RABL6: variants seen among roughly 807,000 people sequenced by gnomAD.
RABL6 encodes rab-like protein 6.
RABL6 carries 28 observed loss-of-function variants against 72.9 expected under a neutral mutation model. The ratio of observed to expected loss-of-function variants is 0.38; its 90% CI spans 0.28 to 0.53. The LOEUF (loss-of-function observed/expected upper bound fraction) is 0.53, where lower values mean the gene tolerates loss of function less well. Among genes scored for constraint, RABL6 ranks in the 20% least tolerant of loss-of-function variants. RABL6 has a pLI of 0.80. For missense variants in RABL6, 1,029 were observed against 1,008.4 expected, an observed-to-expected ratio of 1.02 and a Z score of -0.28; for synonymous variants, 477 against 421.2, an observed-to-expected ratio of 1.13 and a Z score of -1.62.
At chr9:136,825,754 A>T (rs771030563) in intron 2 of RABL6, 25 bp from the exon 3 acceptor site, 8 of 1,611,404 alleles carry the variant, frequency 5.0e-6, no homozygotes, top group Non-Finnish European at 6.8e-6. Flanking sequence ...GTTGGGCACT[A>T]ATTTTAGGAT....
chr9:136,839,184 C>G (rs1468377715), intron 11 of RABL6, 38 bp from the exon 12 acceptor site: 39 of 1,598,252 alleles, frequency 2.4e-5, no homozygotes, highest in Non-Finnish European at 3.2e-5. Context: ...CAGGACGCCT[C>G]CAGAGGACCC....
Position 136,838,993 on chromosome 9 carries a change from C to T in RABL6, c.1365C>T (p.Pro455=), listed in dbSNP as rs781010467. The change falls in exon 11 of 15, where the codon CCC becomes CCT. Residue 455 remains proline (P), a synonymous_variant. Transcript: ENST00000311502. ...TCGAAGACCAGCCACGTGGGAGTCC[C>T]CCGCTGCCTGCAGGCCCCGTCCCCA... ...VDLEDQPRGS[P]PLPAGPVPSQ... 9 of 1,611,938 alleles carry T rather than the reference C, an allele frequency of 5.6e-6. No homozygotes were observed. The highest frequency in any genetic ancestry group is 7.6e-6 in the Non-Finnish European group (9 of 1,179,620).
At chr9:136,824,326 G>GTTTTTTTTTTT (rs34760204) in intron 2 of RABL6, among the ~76,000 whole-genome samples, 1 of 75,054 alleles carries the variant, frequency 1.3e-5, no homozygotes, top group Non-Finnish European at 2.5e-5. Flanking sequence ...GTTTGGTTGG[G>GTTTTTTTTTTT]TTTTTTTTTT....
chr9:136,825,917 C>A, intron 3 of RABL6, 91 bp downstream of exon 3: 2 of 1,434,716 alleles, frequency 1.4e-6, no homozygotes, highest in South Asian at 2.3e-5. Context: ...GCCCATGCAT[C>A]ACCCACCATC....
At chr9:136,824,037 A>G (rs1042668224) in intron 2 of RABL6, among the ~76,000 whole-genome samples, 4 of 152,198 alleles carry the variant, frequency 2.6e-5, no homozygotes, top group African/African-American at 9.7e-5. Flanking sequence ...CCACCACCAG[A>G]AACAGTAATA....
intron 1 of RABL6, 191 bp downstream of exon 1, chr9:136,808,517 C>T (rs911047144): frequency 6.7e-6 from 3 of 449,890 alleles, no homozygotes; most frequent in Non-Finnish European, 3.4e-6. Context: ...GGGCCGGGTC[C>T]TCGCGGCCCC....
chr9:136,819,811 C>T (rs995315093), intron 1 of RABL6, among the ~76,000 whole-genome samples: 1 of 152,136 alleles, frequency 6.6e-6, no homozygotes, highest in African/African-American at 2.4e-5. Flanking sequence ...ACCTGTAATC[C>T]CAGCACTTTG....
chr9:136,839,285 CT>C lies in RABL6; in HGVS notation c.1558del (p.Trp520GlyfsTer79). The C allele has an allele frequency of 6.2e-7, 1 of 1,610,710 alleles. No homozygotes were observed. Among genetic ancestry groups the C allele is most frequent in the Non-Finnish European group, 8.5e-7 (1 of 1,179,068 alleles). On this transcript the variant is annotated frameshift_variant, in exon 12 of 15. Coordinates refer to ENST00000311502, the MANE Select transcript of RABL6 (RefSeq NM_024718.5). LOFTEE classifies it high-confidence loss of function. ...CTCCCACGAGGACCGCAGCACCCCCCTGGCCAGGCGGTGTCTCTGTTCGCAC... is the reference window on the plus strand; with the variant it reads ...CTCCCACGAGGACCGCAGCACCCCCCGGCCAGGCGGTGTCTCTGTTCGCAC... ...TAPTRTAAPP[W>X]PGGVSVRTGP...
Position 136,838,012 on chromosome 9 carries a change from A to G in RABL6, c.1277A>G (p.Asp426Gly), listed in dbSNP as rs768296873. The G allele has an allele frequency of 5.1e-6, 8 of 1,558,746 alleles. No individual in the cohort carries two copies. The South Asian group carries it at 8.3e-5, about 16-fold the overall frequency. Residue 426 changes from aspartate to glycine, a missense_variant, in exon 10 of 15, where the codon GAC becomes GGC. Around this residue, in one of 2 missense-constraint regions of RABL6, gnomAD observed 595 missense variants for 472.4 expected, o/e 1.26. Transcript: ENST00000311502. ...GCCAAGGCTGCCCAGCAGGACAGCG[A>G]CAGGTGAGGGGTGGGCCTGGGCCTC... ...VGAKAAQQDSDSDGEALGGNP... is the reference protein window; with the variant it reads ...VGAKAAQQDSGSDGEALGGNP...
At chr9:136,837,775 G>A in intron 9 of RABL6, 87 bp from the exon 10 acceptor site, 1 of 1,541,242 alleles carries the variant, frequency 6.5e-7, no homozygotes, top group Non-Finnish European at 8.8e-7. Context: ...CAGTCCCGTG[G>A]GCACATCCCG....
rs375118289 is a variant in RABL6 at position 136,836,920 on chromosome 9, C to G, written c.810-426C>G. 1,465 of 344,694 alleles carry G rather than the reference C, an allele frequency of 4.3e-3. 5 individuals carry two copies. Among genetic ancestry groups the G allele is most frequent in the Non-Finnish European group, 5.7e-3 (1,015 of 177,690 alleles). 21.4% of individuals were successfully genotyped at this position (344,694 alleles called of 1,614,324 possible). A position where few individuals can be genotyped will look rare whatever the true frequency, so the allele number is the denominator to read the frequency against. ...ATGGAGTCTCGCTCTGTCGCCCAGG[C>G]TGGAGCGCAGTGGTGTGATCTCGGC... On this transcript the variant is annotated intron_variant, in intron 8 of 14. Coordinates refer to ENST00000311502, the MANE Select transcript of RABL6 (RefSeq NM_024718.5).
rs1453866879 is a variant in RABL6, at chr9:136,832,007, A to T, written c.599+146A>T. On this transcript the variant is annotated intron_variant, in intron 6 of 14. Transcript: ENST00000311502. Reference sequence around the variant, plus strand: ...CTCGCCGCTGAGTGGGGCTCACTGAAGCCTGGGTCTCCCCGATGGCAGGGC... The same window carrying T: ...CTCGCCGCTGAGTGGGGCTCACTGATGCCTGGGTCTCCCCGATGGCAGGGC... 5.2e-5 allele frequency: 65 copies of T among 1,239,400 alleles called. No individual in the cohort carries two copies. The East Asian group carries it at 1.6e-3, about 31-fold the overall frequency. 76.8% of individuals were successfully genotyped at this position (1,239,400 alleles called of 1,614,324 possible).
intron 13 of RABL6, 79 bp downstream of exon 13, chr9:136,839,944 G>T: frequency 6.5e-7 from 1 of 1,540,122 alleles, no homozygotes. Context: ...GCTGGCCGCT[G>T]GCCGGGGTCC....
intron 1 of RABL6, among the ~76,000 whole-genome samples, chr9:136,811,598 A>G (rs1848012875): frequency 6.6e-6 from 1 of 150,658 alleles, no homozygotes. Flanking sequence ...AGCCTGGGTG[A>G]CAGAGTCAGA....
intron 7 of RABL6, chr9:136,833,869 G>A: frequency 6.4e-7 from 1 of 1,550,518 alleles, no homozygotes. Context: ...CACTGCTGGG[G>A]AGGCCCCTCC....
At chr9:136,837,141 C>G in intron 8 of RABL6, 2 of 714,352 alleles carry the variant, frequency 2.8e-6, no homozygotes, top group Non-Finnish European at 2.6e-6. Flanking sequence ...TCCTACAGTG[C>G]TGGGATTACA....
In RABL6 at chr9:136,816,984, C is replaced by T. The variant is rs1336514079; in HGVS notation, c.131-6541C>T. 3.9e-5 allele frequency among the ~76,000 whole-genome samples: 6 copies of T among 152,198 alleles called. No homozygotes were observed. The East Asian group carries it at 1.2e-3, about 29-fold the overall frequency. On this transcript the variant is annotated intron_variant, in intron 1 of 14. Coordinates refer to ENST00000311502, the MANE Select transcript of RABL6 (RefSeq NM_024718.5). ...TGATAAAGATGTAAAAGGAAGCAAT[C>T]TTAAGACTAGTCAAGACTGTATGCC... is the stretch of plus-strand genomic sequence containing the variant.
chr9:136,830,668 C>T (rs2811750), intron 5 of RABL6, among the ~76,000 whole-genome samples: 119,939 of 152,294 alleles, frequency 0.79, 47,275 homozygotes, highest in East Asian at 0.86. Flanking sequence ...CTCCACGGCA[C>T]CTCCCACTGC....
chr9:136,812,678 GT>G (rs1848036895), intron 1 of RABL6: 1 of 227,270 alleles, frequency 4.4e-6, no homozygotes, highest in South Asian at 7.2e-5. Context: ...ACTGTAGACT[GT>G]CTTGGAATGT....
Sources: gnomAD v4.1 joint callset for allele counts (sites outside exome capture counted in the v4.1 genomes callset) on GRCh38, gnomAD v4.1.1 for gene constraint, gnomAD v4.1.1 regional missense constraint, MANE v1.5 for transcripts, NCBI Gene and HGNC (gene_info 2026-07-23, HGNC 2026-07-21) for gene names.